Variants in GABRB1 observed in about 807,000 individuals in gnomAD.
The protein encoded by GABRB1 is gamma-aminobutyric acid type A receptor subunit beta1, also known as gamma-aminobutyric acid receptor subunit beta-1.
Under a neutral mutation model 51.6 loss-of-function variants are expected in GABRB1, and 17 were observed. That is an observed-to-expected ratio of 0.33 (90% CI 0.23 to 0.49). The LOEUF (loss-of-function observed/expected upper bound fraction) is 0.49, where lower values mean the gene tolerates loss of function less well. GABRB1 is among the 20% of genes least tolerant of loss of function. The pLI, the probability that GABRB1 is intolerant of heterozygous loss-of-function variation, is 0.99. For missense variants in GABRB1, 410 were observed against 600.6 expected, an observed-to-expected ratio of 0.68 and a Z score of 3.32; for synonymous variants, 247 against 218.9, an observed-to-expected ratio of 1.13 and a Z score of -1.14.
intron 3 of GABRB1, among the ~76,000 whole-genome samples, chr4:47,094,475 G>A (rs941329168): frequency 7.2e-5 from 11 of 151,730 alleles, no homozygotes; most frequent in East Asian, 1.9e-4. Context: ...CACCCGCCTC[G>A]GCCTCCCAAA....
At chr4:47,333,388 T>C (rs2109978127) in intron 5 of GABRB1, among the ~76,000 whole-genome samples, 1 of 151,982 alleles carries the variant, frequency 6.6e-6, no homozygotes, top group Admixed American at 6.6e-5. Context: ...CAAGTTAAAA[T>C]GTATGTTTGA....
At chr4:47,068,674 C>T (rs561720924) in intron 3 of GABRB1, among the ~76,000 whole-genome samples, 1 of 152,268 alleles carries the variant, frequency 6.6e-6, no homozygotes, top group Non-Finnish European at 1.5e-5. Flanking sequence ...GGGCATGATT[C>T]ATGGCACCCT....
intron 3 of GABRB1, among the ~76,000 whole-genome samples, chr4:47,037,269 G>A (rs1370027723): frequency 6.6e-6 from 1 of 152,164 alleles, no homozygotes; most frequent in Non-Finnish European, 1.5e-5. Flanking sequence ...TTGTAAAATA[G>A]CCTAAACATA....
intron 4 of GABRB1, among the ~76,000 whole-genome samples, chr4:47,298,955 C>A (rs1269566460): frequency 6.6e-6 from 1 of 151,846 alleles, no homozygotes; most frequent in Non-Finnish European, 1.5e-5. Flanking sequence ...ACTATCTGAT[C>A]TTTGACAAAG....
At chr4:47,168,031 T>G (rs1381087406) in intron 4 of GABRB1, among the ~76,000 whole-genome samples, 1 of 152,238 alleles carries the variant, frequency 6.6e-6, no homozygotes, top group East Asian at 1.9e-4. Flanking sequence ...TTGTTGAGTG[T>G]GTATGTAGGT....
At chr4:47,083,938 A>T (rs1304430496) in intron 3 of GABRB1, among the ~76,000 whole-genome samples, 1 of 152,126 alleles carries the variant, frequency 6.6e-6, no homozygotes, top group Non-Finnish European at 1.5e-5. Context: ...TCCTAACTCC[A>T]GTCTTCTATC....
chr4:47,168,257 C>G (rs1381313995), intron 4 of GABRB1, among the ~76,000 whole-genome samples: 1 of 152,096 alleles, frequency 6.6e-6, no homozygotes, highest in East Asian at 1.9e-4. Context: ...TACTATTAAG[C>G]TAATACTAAA....
At chr4:47,367,845 C>T (rs115258281) in intron 5 of GABRB1, among the ~76,000 whole-genome samples, 48 of 152,300 alleles carry the variant, frequency 3.2e-4, no homozygotes, top group Middle Eastern at 3.4e-3. Context: ...GTACAGAAAC[C>T]CCAGCCAGTT....
In GABRB1 at chr4:47,389,868, AAG is replaced by A. The variant is rs528469927; in HGVS notation, c.545-13447_545-13446del. On this transcript the variant is annotated intron_variant, in intron 5 of 8. Coordinates refer to ENST00000295454, the MANE Select transcript of GABRB1 (RefSeq NM_000812.4). The stretch of plus-strand genomic sequence containing the variant: ...ATGTCTCCTCTCATGTGGGAAGAGT[AAG>A]AGGAATTAGGGAGTGGTAGACCACT... 1.1e-4 allele frequency among the ~76,000 whole-genome samples: 16 copies of A among 152,340 alleles called. No individual in the cohort carries two copies. In the East Asian group the frequency reaches 3.1e-3, roughly 29 times the overall value.
At chr4:47,049,364 G>A (rs1403811030) in intron 3 of GABRB1, among the ~76,000 whole-genome samples, 1 of 152,168 alleles carries the variant, frequency 6.6e-6, no homozygotes, top group Non-Finnish European at 1.5e-5. Context: ...GGAGAAGCAT[G>A]CCAACTGTTT....
At chr4:47,206,359 G>A (rs967300663) in intron 4 of GABRB1, among the ~76,000 whole-genome samples, 2 of 151,970 alleles carry the variant, frequency 1.3e-5, no homozygotes, top group Non-Finnish European at 2.9e-5. Context: ...CATGGAAGCT[G>A]GATGGCATTT....
In GABRB1 at chr4:47,333,194, TTA is replaced by T. The variant is rs1162712786; in HGVS notation, c.544+13026_544+13027del. Among the ~76,000 whole-genome samples the T allele has an allele frequency of 1.6e-3, 176 of 113,138 alleles. 1 individual carries two copies. The highest frequency in any genetic ancestry group is 2.6e-3 in the Non-Finnish European group (136 of 52,468). 74.2% of individuals were successfully genotyped at this position (113,138 alleles called of 152,430 possible). A position where few individuals can be genotyped will look rare whatever the true frequency, so the allele number is the denominator to read the frequency against. On this transcript the variant is annotated intron_variant, in intron 5 of 8. Transcript: ENST00000295454. ...CATATATATTTAAAACCCATTTTAT[TTA>T]TATATATATATATATATATATATAT...
intron 5 of GABRB1, among the ~76,000 whole-genome samples, chr4:47,353,439 G>T (rs889880776): frequency 6.6e-6 from 1 of 152,128 alleles, no homozygotes; most frequent in African/African-American, 2.4e-5. Flanking sequence ...GTAAATCAAG[G>T]ATCAATCTTT....
At chr4:47,232,798 T>G (rs765893517) in intron 4 of GABRB1, among the ~76,000 whole-genome samples, 1 of 152,034 alleles carries the variant, frequency 6.6e-6, no homozygotes, top group Non-Finnish European at 1.5e-5. Context: ...AGAGTCTACT[T>G]CAAAAATGAT....
At chr4:47,184,067 C>T (rs926544295) in intron 4 of GABRB1, among the ~76,000 whole-genome samples, 8 of 151,856 alleles carry the variant, frequency 5.3e-5, no homozygotes, top group Non-Finnish European at 1.0e-4. Flanking sequence ...TAAAGTGATT[C>T]CCACTGTAAA....
At chr4:47,393,168 A>G (rs1373842714) in intron 5 of GABRB1, among the ~76,000 whole-genome samples, 1 of 152,186 alleles carries the variant, frequency 6.6e-6, no homozygotes, top group Non-Finnish European at 1.5e-5. Flanking sequence ...TACTTGATTA[A>G]CAGCTTTCTG....
chr4:47,243,723 A>C (rs1247371741), intron 4 of GABRB1, among the ~76,000 whole-genome samples: 1 of 151,982 alleles, frequency 6.6e-6, no homozygotes, highest in Non-Finnish European at 1.5e-5. Context: ...TGATTTTTGC[A>C]CATTGATTTT....
intron 1 of GABRB1, among the ~76,000 whole-genome samples, chr4:47,011,246 T>A (rs1045123607): frequency 3.3e-5 from 5 of 152,148 alleles, no homozygotes; most frequent in Non-Finnish European, 5.9e-5. Context: ...AGACCTCACC[T>A]TATCATTGTT....
intron 4 of GABRB1, among the ~76,000 whole-genome samples, chr4:47,187,491 G>A (rs963956612): frequency 5.9e-5 from 9 of 151,762 alleles, no homozygotes; most frequent in Admixed American, 4.0e-4. Context: ...CTGACAAGGT[G>A]GTATAAGAAA....
Sources: gnomAD v4.1 joint callset for allele counts (sites outside exome capture counted in the v4.1 genomes callset) on GRCh38, gnomAD v4.1.1 for gene constraint, MANE v1.5 for transcripts, NCBI Gene and HGNC (gene_info 2026-07-23, HGNC 2026-07-21) for gene names.